Variants in FRMD5 observed in about 807,000 individuals in gnomAD.
FRMD5 encodes the protein FERM domain-containing protein 5.
In FRMD5, 20 loss-of-function variants were observed where a neutral mutation model predicts 69.0. The ratio of observed to expected loss-of-function variants is 0.29; its 90% CI spans 0.20 to 0.42. The LOEUF (loss-of-function observed/expected upper bound fraction) is 0.42. Among genes scored for constraint, FRMD5 ranks in the 10% least tolerant of loss-of-function variants. FRMD5 has a pLI of 1.00. For missense variants in FRMD5, 595 were observed against 708.6 expected, an observed-to-expected ratio of 0.84 and a Z score of 1.82; for synonymous variants, 271 against 260.1, an observed-to-expected ratio of 1.04 and a Z score of -0.40.
At chr15:44,130,780 A>G (rs552872586) in intron 1 of FRMD5, among the ~76,000 whole-genome samples, 2 of 152,334 alleles carry the variant, frequency 1.3e-5, no homozygotes, top group Non-Finnish European at 2.9e-5. Flanking sequence ...CACAAAATGC[A>G]TAGATTTACA....
intron 1 of FRMD5, among the ~76,000 whole-genome samples, chr15:44,098,569 T>A (rs970628245): frequency 6.7e-6 from 1 of 148,662 alleles, no homozygotes; most frequent in East Asian, 2.0e-4. Context: ...AGAAAAGCAA[T>A]CTATGACTTA....
chr15:44,082,697 T>A (rs1049459221), intron 1 of FRMD5, among the ~76,000 whole-genome samples: 1 of 151,940 alleles, frequency 6.6e-6, no homozygotes, highest in Non-Finnish European at 1.5e-5. Context: ...TGATGAGATG[T>A]CAAGGAAAGG....
chr15:44,155,268 C>T (rs2077508606), intron 1 of FRMD5, among the ~76,000 whole-genome samples: 1 of 151,898 alleles, frequency 6.6e-6, no homozygotes, highest in Non-Finnish European at 1.5e-5. Context: ...CCCGTCTCTA[C>T]TAAAAATACA....
chr15:44,056,740 G>A (rs1418232636), intron 1 of FRMD5, among the ~76,000 whole-genome samples: 1 of 152,084 alleles, frequency 6.6e-6, no homozygotes, highest in East Asian at 1.9e-4. Context: ...GCTAGGAAGG[G>A]CACTCTCTTG....
intron 1 of FRMD5, among the ~76,000 whole-genome samples, chr15:44,140,108 T>C (rs896525403): frequency 6.6e-6 from 1 of 152,064 alleles, no homozygotes; most frequent in Non-Finnish European, 1.5e-5. Context: ...CATATAGATA[T>C]AAAACTGTGC....
At chr15:43,885,820 C>T (rs2088649684) in intron 10 of FRMD5, 65 bp from the exon 11 acceptor site, 1 of 1,231,854 alleles carries the variant, frequency 8.1e-7, no homozygotes, top group South Asian at 1.2e-5. Flanking sequence ...TAAGGCAGCA[C>T]ATCCCCAGCT....
chr15:44,194,381 C>T (rs556116484), intron 1 of FRMD5: 1 of 156,636 alleles, frequency 6.4e-6, no homozygotes, highest in Non-Finnish European at 1.4e-5. Context: ...GGGCCTAAAT[C>T]TCTAAAACCC....
intron 1 of FRMD5, among the ~76,000 whole-genome samples, chr15:44,167,278 G>A (rs554711354): frequency 1.3e-5 from 2 of 152,154 alleles, no homozygotes; most frequent in East Asian, 3.9e-4. Flanking sequence ...TGAAGTGAGA[G>A]GATCATGTGA....
intron 1 of FRMD5, among the ~76,000 whole-genome samples, chr15:44,096,641 G>A (rs375823641): frequency 6.6e-6 from 1 of 152,036 alleles, no homozygotes; most frequent in Non-Finnish European, 1.5e-5. Context: ...GACCTCAAGC[G>A]ATCCACCCGC....
intron 1 of FRMD5, among the ~76,000 whole-genome samples, chr15:44,166,898 G>A (rs1198780350): frequency 2.6e-5 from 4 of 151,706 alleles, no homozygotes; most frequent in Non-Finnish European, 5.9e-5. Context: ...TATCCAAAGT[G>A]AGAAATCAAG....
At chr15:43,905,697 G>C in intron 6 of FRMD5, 131 bp downstream of exon 6, 2 of 1,130,048 alleles carry the variant, frequency 1.8e-6, no homozygotes, top group Admixed American at 2.1e-5. Context: ...GTACATCCGC[G>C]GTCAGGAAGG....
chr15:43,888,683 T>C (rs1024468987), intron 9 of FRMD5, 126 bp downstream of exon 9: 41 of 759,736 alleles, frequency 5.4e-5, no homozygotes, highest in Middle Eastern at 2.4e-4. Context: ...CTCCAGGTCC[T>C]GACCTTGGTC....
At chr15:43,989,471 A>G in intron 1 of FRMD5, 1 of 822,662 alleles carries the variant, frequency 1.2e-6, no homozygotes, top group South Asian at 1.3e-5. Context: ...GCTTGTAGCT[A>G]TCTCCAGGGA....
intron 1 of FRMD5, among the ~76,000 whole-genome samples, chr15:44,107,452 C>G (rs923799715): frequency 1.3e-5 from 2 of 152,190 alleles, no homozygotes; most frequent in Non-Finnish European, 2.9e-5. Flanking sequence ...CAATTCTATT[C>G]CACACAACTC....
Position 44,135,731 on chromosome 15 carries a change from A to G in FRMD5, c.102+59222T>C, listed in dbSNP as rs544498984. Reference sequence around the variant, plus strand: ...TCCCAGCTACTCAGGAGGCTGAGGCAGGAGAATTGCTTGAATCCGGAAGGT... The same window carrying G: ...TCCCAGCTACTCAGGAGGCTGAGGCGGGAGAATTGCTTGAATCCGGAAGGT... On this transcript the variant is annotated intron_variant, in intron 1 of 13. Transcript: ENST00000417257. Among the ~76,000 whole-genome samples, 40 of 150,148 alleles carry G rather than the reference A, an allele frequency of 2.7e-4. No homozygotes were observed. In the South Asian group the frequency reaches 8.6e-3, roughly 32 times the overall value.
At chr15:44,085,363 C>T (rs956736240) in intron 1 of FRMD5, among the ~76,000 whole-genome samples, 2 of 152,048 alleles carry the variant, frequency 1.3e-5, no homozygotes, top group African/African-American at 4.8e-5. Flanking sequence ...ACCTAAAAAG[C>T]CTCTGCCAAC....
intron 1 of FRMD5, among the ~76,000 whole-genome samples, chr15:43,997,729 G>A (rs1172569112): frequency 6.6e-6 from 1 of 152,080 alleles, no homozygotes; most frequent in Admixed American, 6.6e-5. Flanking sequence ...TGATGAAAAG[G>A]AAACACGTCT....
At chr15:44,126,512 A>C (rs1217740637) in intron 1 of FRMD5, among the ~76,000 whole-genome samples, 1 of 152,228 alleles carries the variant, frequency 6.6e-6, no homozygotes, top group Non-Finnish European at 1.5e-5. Flanking sequence ...TCTAAAAAAC[A>C]CTGAGTTTCT....
intron 1 of FRMD5, 64 bp from the exon 2 acceptor site, chr15:43,924,373 T>TTTATAGTCATTAAAAG: frequency 8.4e-7 from 1 of 1,193,684 alleles, no homozygotes; most frequent in Non-Finnish European, 1.2e-6. Context: ...TTTTTTTTTT[T>TTTATAGTCATTAAAAG]TATAGCCATT....
Sources: allele counts gnomAD v4.1 joint callset (sites outside exome capture counted in the v4.1 genomes callset), GRCh38; gene constraint gnomAD v4.1.1; transcripts MANE v1.5; gene names NCBI Gene and HGNC (gene_info 2026-07-23, HGNC 2026-07-21).